TEX14: variants seen among roughly 807,000 people sequenced by gnomAD.
TEX14 encodes the protein inactive serine/threonine-protein kinase TEX14.
A neutral mutation model predicts 178.6 loss-of-function variants in TEX14; 168 were observed. The observed-to-expected ratio is 0.94, with a 90% CI of 0.83 to 1.07. TEX14 has a LOEUF of 1.07. Among genes scored for constraint, TEX14 ranks in the 50% least tolerant of loss-of-function variants. TEX14 has a pLI of 0.00. For synonymous variants in TEX14, 626 were observed against 634.1 expected, an observed-to-expected ratio of 0.99 and a Z score of 0.19; for missense variants, 1,730 against 1,753.6, an observed-to-expected ratio of 0.99 and a Z score of 0.24.
chr17:58,649,645 TA>T (rs1050547986), intron 2 of TEX14, among the ~76,000 whole-genome samples: 6 of 152,024 alleles, frequency 3.9e-5, no homozygotes, highest in Non-Finnish European at 7.4e-5. Flanking sequence ...TGATGTTCAC[TA>T]AAAAAAAGTG....
intron 21 of TEX14, among the ~76,000 whole-genome samples, chr17:58,576,356 A>G (rs1051315599): frequency 1.3e-5 from 2 of 152,168 alleles, no homozygotes; most frequent in Admixed American, 1.3e-4. Context: ...GTGGTGGCAC[A>G]TGCCTATAAT....
At chr17:58,657,863 A>G (rs2047002757) in intron 1 of TEX14, among the ~76,000 whole-genome samples, 1 of 152,300 alleles carries the variant, frequency 6.6e-6, no homozygotes, top group African/African-American at 2.4e-5. Context: ...AAGATTAGAA[A>G]TTATGGTTTA....
Position 58,599,772 on chromosome 17 carries a change from G to T in TEX14, c.1679-106C>A, listed in dbSNP as rs543745058. On this transcript the variant is annotated intron_variant, in intron 13 of 31. Transcript: ENST00000349033. ...AAAGACTGTCAAAAAAAAAAAAAAA[G>T]TTTTTTATTTTCCCACCCCCTTCCC... 50 of 821,074 alleles carry T rather than the reference G, an allele frequency of 6.1e-5. No homozygotes were observed. The African/African-American group carries it at 6.7e-4, about 11-fold the overall frequency. The allele number at this position is 821,074 out of a possible 1,614,324, so 50.9% of individuals were successfully genotyped here.
At position 58,557,819 on chromosome 17, in the gene TEX14, T is replaced by C; in HGVS notation, c.4299A>G (p.Leu1433=). 1 of 1,612,560 alleles carries C rather than the reference T, an allele frequency of 6.2e-7. No individual in the cohort carries two copies. Among genetic ancestry groups the C allele is most frequent in the South Asian group, 1.1e-5 (1 of 90,818 alleles). ...DELKSCFWKR[L]GWSESSRIIV... is the part of the protein sequence containing the mutation. ...ATTACCTGGATGATTCGGACCAACC[T>C]AGTCGCTTCCAAAAACAGGATTTTA... The change falls in exon 31 of 32, where the codon CTA becomes CTG. Residue 1433 remains leucine (L), a synonymous_variant. Coordinates refer to ENST00000349033, the MANE Select transcript of TEX14 (RefSeq NM_031272.5).
In TEX14 at chr17:58,665,509, T is replaced by C. The variant is rs1354194335; in HGVS notation, c.-1-13507A>G. Among the ~76,000 whole-genome samples, 12 of 152,058 alleles carry C rather than the reference T, an allele frequency of 7.9e-5. No individual in the cohort carries two copies. In the East Asian group the frequency reaches 2.3e-3, roughly 30 times the overall value. Reference sequence around the variant, plus strand: ...CTACTCTGAGGCTGAGGCATGAGAATTGCTTGAACCTGGGAGGCGGAGGTT... The same window carrying C: ...CTACTCTGAGGCTGAGGCATGAGAACTGCTTGAACCTGGGAGGCGGAGGTT... On this transcript the variant is annotated intron_variant, in intron 1 of 31. Coordinates refer to ENST00000349033, the MANE Select transcript of TEX14 (RefSeq NM_031272.5).
intron 19 of TEX14, among the ~76,000 whole-genome samples, chr17:58,581,257 G>A (rs2044809231): frequency 6.7e-6 from 1 of 149,574 alleles, no homozygotes; most frequent in Non-Finnish European, 1.5e-5. Flanking sequence ...GATGCGGTGA[G>A]CCGAGATCAC....
chr17:58,629,456 G>GAAA (rs969535540), intron 3 of TEX14, among the ~76,000 whole-genome samples: 2 of 79,776 alleles, frequency 2.5e-5, no homozygotes. Flanking sequence ...CATGTGTCAG[G>GAAA]AAAAAAAAAA....
At chr17:58,640,933 T>C (rs2046560151) in intron 2 of TEX14, among the ~76,000 whole-genome samples, 1 of 152,062 alleles carries the variant, frequency 6.6e-6, no homozygotes, top group East Asian at 1.9e-4. Context: ...TTGCCCAGGC[T>C]TGTCTCGACC....
chr17:58,581,903 T>C (rs2044831460), intron 19 of TEX14, among the ~76,000 whole-genome samples: 1 of 152,066 alleles, frequency 6.6e-6, no homozygotes, highest in Non-Finnish European at 1.5e-5. Context: ...CCCTTCCTGG[T>C]GGGGAAAAGC....
chr17:58,630,422 C>G lies in TEX14; in HGVS notation c.251+18G>C. 6.5e-7 allele frequency: 1 copy of G among 1,535,044 alleles called. No individual in the cohort carries two copies. Among genetic ancestry groups the G allele is most frequent in the Non-Finnish European group, 9.0e-7 (1 of 1,108,418 alleles). On this transcript the variant is annotated intron_variant, in intron 3 of 31. Transcript: ENST00000349033. ...AGCACAACCCCTATTTTCTAGACAT[C>G]AATATTATTGTACTTACTGATTTGG...
chr17:58,625,763 C>G (rs2611781), intron 3 of TEX14, among the ~76,000 whole-genome samples: 100,256 of 152,012 alleles, frequency 0.66, 33,799 homozygotes, highest in African/African-American at 0.79. Context: ...TATTTTGAGA[C>G]AGAGTCTCTG....
intron 2 of TEX14, chr17:58,631,596 A>T (rs1419997531): frequency 1.3e-5 from 2 of 148,576 alleles, no homozygotes; most frequent in Admixed American, 1.3e-4. Flanking sequence ...TAAAAACATG[A>T]GGAAACCAAC....
chr17:58,574,582 A>G (rs2044630166), intron 21 of TEX14, among the ~76,000 whole-genome samples: 1 of 145,830 alleles, frequency 6.9e-6, no homozygotes, highest in Non-Finnish European at 1.5e-5. Context: ...AGGCTGAGAC[A>G]GGAATTGCTT....
intron 1 of TEX14, among the ~76,000 whole-genome samples, chr17:58,654,071 G>A (rs368352446): frequency 1.3e-4 from 20 of 152,230 alleles, no homozygotes; most frequent in African/African-American, 4.3e-4. Flanking sequence ...CCAGCTACTC[G>A]GGAGACTGAG....
Position 58,586,034 on chromosome 17 carries a change from A to G in TEX14, c.2837T>C (p.Val946Ala), listed in dbSNP as rs1404071302. ...ACTACTCTGAGGATGCCAAGGAGGT[A>G]CTGTGAGCTGTCCAGTAGCTGCTTT... ...AKKAATGQLT[V>A]PPWHPQSSLT... is the part of the protein sequence containing the mutation. The change falls in exon 18 of 32, where the codon GTA (valine) becomes GCA (alanine). Residue 946 changes from valine (V) to alanine (A), a missense_variant. Transcript: ENST00000349033. The G allele has an allele frequency of 6.2e-7, 1 of 1,613,990 alleles. No homozygotes were observed. Among genetic ancestry groups the G allele is most frequent in the Non-Finnish European group, 8.5e-7 (1 of 1,179,988 alleles).
intron 13 of TEX14, among the ~76,000 whole-genome samples, chr17:58,600,136 C>A (rs551149247): frequency 6.6e-6 from 1 of 152,280 alleles, no homozygotes; most frequent in Admixed American, 6.5e-5. Context: ...CCCAGCTCCC[C>A]TGAATCTTAA....
At position 58,569,222 on chromosome 17, in the gene TEX14, G is replaced by GT. The variant is rs745884892; in HGVS notation, c.3855dup (p.Pro1286ThrfsTer8). 6.2e-7 allele frequency: 1 copy of GT among 1,613,934 alleles called. No homozygotes were observed. The highest frequency in any genetic ancestry group is 8.5e-7 in the Non-Finnish European group (1 of 1,179,934). On this transcript the variant is annotated frameshift_variant, in exon 26 of 32. Transcript: ENST00000349033. LOFTEE classifies it high-confidence loss of function. The surrounding 1 kb of genome is among the most constrained non-coding windows in gnomAD (Gnocchi z 4.1). ...TCATCAAGTAGCTCCTGAGATGGTG[G>GT]TGGCAGCTCATCAATGTGATGCTGT...
chr17:58,610,692 C>T (rs1334426990), intron 10 of TEX14, among the ~76,000 whole-genome samples: 1 of 152,100 alleles, frequency 6.6e-6, no homozygotes, highest in Non-Finnish European at 1.5e-5. Flanking sequence ...TTGAGACCAG[C>T]CTGGCCAACA....
intron 2 of TEX14, chr17:58,631,170 T>A (rs1598401669): frequency 2.0e-6 from 2 of 984,520 alleles, no homozygotes; most frequent in Admixed American, 6.2e-5. Flanking sequence ...AAAATTGAAA[T>A]CCCACAAGCC....
Sources: gnomAD v4.1 joint callset for allele counts (sites outside exome capture counted in the v4.1 genomes callset) on GRCh38, gnomAD v4.1.1 for gene constraint, Gnocchi (gnomAD v3.1) non-coding constraint, MANE v1.5 for transcripts, NCBI Gene and HGNC (gene_info 2026-07-23, HGNC 2026-07-21) for gene names.